The following RAPH1 variants were observed in gnomAD, a reference collection of about 807,000 sequenced individuals.
RAPH1 encodes the protein ras-associated and pleckstrin homology domains-containing protein 1.
In RAPH1, 18 loss-of-function variants were observed where a neutral mutation model predicts 88.1. The observed-to-expected ratio is 0.20, with a 90% CI of 0.14 to 0.30. The LOEUF (loss-of-function observed/expected upper bound fraction) is 0.30, where lower values mean the gene tolerates loss of function less well. Ranked by LOEUF, RAPH1 falls within the 10% of genes least tolerant of loss-of-function variation. The pLI, the probability that RAPH1 is intolerant of heterozygous loss-of-function variation, is 1.00. For synonymous variants in RAPH1, 587 were observed against 559.0 expected (o/e 1.05, Z -0.71); for missense variants, 1,448 against 1,543.2 (o/e 0.94, Z 1.03).
intron 1 of RAPH1, among the ~76,000 whole-genome samples, chr2:203,528,077 C>G (rs779984059): frequency 1.3e-5 from 2 of 152,080 alleles, no homozygotes; most frequent in African/African-American, 2.4e-5. Flanking sequence ...ATGAAGTAAG[C>G]ATTTATCTTT....
At chr2:203,478,179 G>A (rs527888549) in intron 4 of RAPH1, among the ~76,000 whole-genome samples, 51 of 151,330 alleles carry the variant, frequency 3.4e-4, no homozygotes, top group South Asian at 2.1e-3. Context: ...GACTACAGGC[G>A]CCTGCCACCA....
At chr2:203,492,256 G>C (rs1039558798) in intron 2 of RAPH1, among the ~76,000 whole-genome samples, 2 of 147,096 alleles carry the variant, frequency 1.4e-5, no homozygotes, top group Admixed American at 1.4e-4. Context: ...AAAAGAAACC[G>C]CACAGAGAGT....
chr2:203,480,356 C>T (rs113830096), intron 4 of RAPH1, among the ~76,000 whole-genome samples: 275 of 152,272 alleles, frequency 1.8e-3, no homozygotes, highest in African/African-American at 6.2e-3. Context: ...CGAGACCAGC[C>T]TGGCCAACAG....
chr2:203,461,219 G>A (rs373574516), intron 6 of RAPH1, 30 bp downstream of exon 6: 10 of 1,436,730 alleles, frequency 7.0e-6, no homozygotes, highest in Non-Finnish European at 8.4e-6. Flanking sequence ...ACAAAAATTA[G>A]AAAGCAATTA....
chr2:203,461,840 C>A lies in RAPH1; in HGVS notation c.810+8G>T. 1 of 1,598,748 alleles carries A rather than the reference C, an allele frequency of 6.3e-7. No homozygotes were observed. Among genetic ancestry groups the A allele is most frequent in the Non-Finnish European group, 8.5e-7 (1 of 1,172,772 alleles). ...AAATCCCAAACCAGGAAGAGGCCCA[C>A]ATATCACCTTTTTCACTTGTGCCTC... On this transcript the variant is annotated splice_region_variant and intron_variant, in intron 5 of 13. Coordinates refer to ENST00000319170, the MANE Select transcript of RAPH1 (RefSeq NM_213589.3).
At chr2:203,502,786 C>T (rs897542011) in intron 1 of RAPH1, among the ~76,000 whole-genome samples, 7 of 149,116 alleles carry the variant, frequency 4.7e-5, no homozygotes, top group African/African-American at 1.7e-4. Flanking sequence ...CGCCACTGCA[C>T]TCCAGCCTAG....
chr2:203,461,463 A>G (rs1036970156), intron 5 of RAPH1, 55 bp from the exon 6 acceptor site: 9 of 1,339,238 alleles, frequency 6.7e-6, no homozygotes, highest in Non-Finnish European at 9.1e-6. Flanking sequence ...ATTCTAGGAA[A>G]GGCACTGATC....
At chr2:203,489,066 C>A (rs1448048093) in intron 4 of RAPH1, among the ~76,000 whole-genome samples, 1 of 151,302 alleles carries the variant, frequency 6.6e-6, no homozygotes, top group East Asian at 1.9e-4. Context: ...GTGGAGGTTG[C>A]AGCGAGCTGA....
At chr2:203,473,109 C>T (rs974174033) in intron 4 of RAPH1, among the ~76,000 whole-genome samples, 9 of 151,438 alleles carry the variant, frequency 5.9e-5, no homozygotes, top group Admixed American at 5.9e-4. Flanking sequence ...GCAGAAACAA[C>T]AAACATGTGG....
At chr2:203,454,396 C>G in intron 10 of RAPH1, 34 bp downstream of exon 10, 1 of 1,387,020 alleles carries the variant, frequency 7.2e-7, no homozygotes, top group Non-Finnish European at 1.0e-6. Flanking sequence ...TGTCTAACAT[C>G]AATTAAAATT....
At chr2:203,511,388 A>G (rs964075278) in intron 1 of RAPH1, among the ~76,000 whole-genome samples, 1 of 152,232 alleles carries the variant, frequency 6.6e-6, no homozygotes, top group African/African-American at 2.4e-5. Flanking sequence ...AGGAAAAATC[A>G]GAAAATTCTG....
chr2:203,518,449 TGG>T (rs987382036), intron 1 of RAPH1, among the ~76,000 whole-genome samples: 5 of 149,858 alleles, frequency 3.3e-5, no homozygotes, highest in African/African-American at 1.2e-4. Flanking sequence ...ATGTAGGAGG[TGG>T]AGGTTGTAGT....
At chr2:203,462,462 C>G (rs2153642187) in intron 4 of RAPH1, among the ~76,000 whole-genome samples, 1 of 152,252 alleles carries the variant, frequency 6.6e-6, no homozygotes, top group East Asian at 1.9e-4. Context: ...AATGTAGGTA[C>G]AATCTCATTA....
rs966391247 is a variant in RAPH1, at chr2:203,439,223, C to A, written c.*214G>T. 34 of 521,434 alleles carry A rather than the reference C, an allele frequency of 6.5e-5. No homozygotes were observed. The highest frequency in any genetic ancestry group is 3.8e-4 in the South Asian group (12 of 31,548). 32.3% of individuals were successfully genotyped at this position (521,434 alleles called of 1,614,324 possible). A position where few individuals can be genotyped will look rare whatever the true frequency, so the allele number is the denominator to read the frequency against. ...AATAGAATAACTCTCAGCTCTCTCT[C>A]TATATACACATACACATACATATAT... On this transcript the variant is annotated 3_prime_UTR_variant, in exon 14 of 14. Transcript: ENST00000319170.
rs561419318 is a variant in RAPH1 at position 203,491,332 on chromosome 2, A to T, written c.121-13T>A. On this transcript the variant is annotated splice_polypyrimidine_tract_variant and intron_variant, in intron 2 of 13. Transcript: ENST00000319170. The stretch of plus-strand genomic sequence containing the variant: ...CAGAATCCAAACTCTTTATAAAAAG[A>T]AAGTTTAATAGTCATATTAAATTCA... 1.3e-6 allele frequency: 2 copies of T among 1,539,706 alleles called. No individual in the cohort carries two copies. Among genetic ancestry groups the T allele is most frequent in the African/African-American group, 2.7e-5 (2 of 72,924 alleles).
intron 1 of RAPH1, among the ~76,000 whole-genome samples, chr2:203,517,496 A>G (rs2105950254): frequency 6.6e-6 from 1 of 152,312 alleles, no homozygotes; most frequent in African/African-American, 2.4e-5. Context: ...GTTGAACTCA[A>G]TAACACCATC....
intron 3 of RAPH1, among the ~76,000 whole-genome samples, chr2:203,490,858 C>T (rs966473210): frequency 1.3e-5 from 2 of 151,882 alleles, no homozygotes; most frequent in Admixed American, 1.3e-4. Context: ...GCCTGGCCAA[C>T]GTGGTGAAAC....
chr2:203,523,983 A>G (rs1176240583), intron 1 of RAPH1, among the ~76,000 whole-genome samples: 1 of 152,080 alleles, frequency 6.6e-6, no homozygotes, highest in Non-Finnish European at 1.5e-5. Context: ...CAGCCTGGGC[A>G]ACAGAGCGAG....
chr2:203,491,312 T>C lies in RAPH1; in HGVS notation c.128A>G (p.Asp43Gly). Residue 43 changes from aspartate to glycine, a missense_variant, in exon 3 of 14, where the codon GAT (aspartate) becomes GGT (glycine). Coordinates refer to ENST00000319170, the MANE Select transcript of RAPH1 (RefSeq NM_213589.3). Reference sequence around the variant, plus strand: ...TACTGGTTCCATGGGCTTGTCAGAATCCAAACTCTTTATAAAAAGAAAGTT... The same window carrying C: ...TACTGGTTCCATGGGCTTGTCAGAACCCAAACTCTTTATAAAAAGAAAGTT... ...GELDKLTQSL[D>G]SDKPMEPVKR... is the part of the protein sequence containing the mutation. 6.2e-7 allele frequency: 1 copy of C among 1,603,058 alleles called. No individual in the cohort carries two copies. Among genetic ancestry groups the C allele is most frequent in the Non-Finnish European group, 8.5e-7 (1 of 1,174,978 alleles).
Sources: allele counts gnomAD v4.1 joint callset (sites outside exome capture counted in the v4.1 genomes callset), GRCh38; gene constraint gnomAD v4.1.1; transcripts MANE v1.5; gene names NCBI Gene and HGNC (gene_info 2026-07-23, HGNC 2026-07-21).